The following CCDC30 variants were observed in gnomAD, a reference collection of about 807,000 sequenced individuals.
CCDC30 encodes the protein coiled-coil domain containing 30, also known as coiled-coil domain-containing protein 30.
In CCDC30, 70 loss-of-function variants were observed where a neutral mutation model predicts 100.2. The observed-to-expected ratio is 0.70, with a 90% CI of 0.58 to 0.85. CCDC30 has a LOEUF of 0.85. CCDC30 is among the 40% of genes least tolerant of loss of function. The pLI, the probability that CCDC30 is intolerant of heterozygous loss-of-function variation, is 0.00. For missense variants in CCDC30, 652 were observed against 771.2 expected (o/e 0.85, Z 1.83); for synonymous variants, 233 against 269.5 (o/e 0.86, Z 1.33).
chr1:42,513,600 T>A (rs117694190), intron 6 of CCDC30, among the ~76,000 whole-genome samples: 2 of 152,138 alleles, frequency 1.3e-5, no homozygotes, highest in Non-Finnish European at 2.9e-5. Context: ...TGTCTGCAGC[T>A]CAATTTTACA....
intron 1 of CCDC30, among the ~76,000 whole-genome samples, chr1:42,474,252 G>A (rs998229735): frequency 8.5e-5 from 13 of 152,122 alleles, no homozygotes; most frequent in African/African-American, 2.7e-4. Context: ...GTTGCCTTTA[G>A]CATTATCTTT....
intron 7 of CCDC30, among the ~76,000 whole-genome samples, chr1:42,568,525 T>G (rs1048669717): frequency 1.1e-4 from 16 of 152,266 alleles, no homozygotes; most frequent in African/African-American, 3.6e-4. Flanking sequence ...TCAGAACTTG[T>G]CAAGTTTGTT....
upstream of CCDC30, chr1:42,460,520 G>C (rs1343144321): frequency 3.1e-6 from 1 of 319,282 alleles, no homozygotes; most frequent in Non-Finnish European, 4.5e-6. Context: ...TTTACTTTTT[G>C]CTTCTTATTG....
At chr1:42,506,301 T>C (rs1644394111) in intron 6 of CCDC30, among the ~76,000 whole-genome samples, 1 of 152,232 alleles carries the variant, frequency 6.6e-6, no homozygotes, top group Non-Finnish European at 1.5e-5. Flanking sequence ...CTGTGTGTTT[T>C]TTCTCTATTC....
At chr1:42,466,133 GAAGA>G (rs1178028452) in intron 1 of CCDC30, among the ~76,000 whole-genome samples, 1 of 152,188 alleles carries the variant, frequency 6.6e-6, no homozygotes, top group South Asian at 2.1e-4. Context: ...GTGGAAAATA[GAAGA>G]AAGAAAGGTT....
At chr1:42,628,074 C>T (rs951267213) in intron 11 of CCDC30, among the ~76,000 whole-genome samples, 4 of 152,188 alleles carry the variant, frequency 2.6e-5, no homozygotes, top group African/African-American at 9.7e-5. Flanking sequence ...CTATACCCTG[C>T]AAAGCCACAG....
chr1:42,497,331 G>A, intron 5 of CCDC30, 118 bp downstream of exon 5: 1 of 461,824 alleles, frequency 2.2e-6, no homozygotes. Flanking sequence ...AATACTGGTG[G>A]CTGTAATATC....
At chr1:42,510,468 C>A (rs941265410) in intron 6 of CCDC30, among the ~76,000 whole-genome samples, 4 of 151,950 alleles carry the variant, frequency 2.6e-5, no homozygotes, top group Non-Finnish European at 5.9e-5. Context: ...ACCATCCTTG[C>A]CAATATGGTG....
rs534928253 is a variant in CCDC30 at position 42,509,627 on chromosome 1, C to T, written c.456+10711C>T. Among the ~76,000 whole-genome samples the T allele has an allele frequency of 2.6e-5, 4 of 152,264 alleles. No homozygotes were observed. In the East Asian group the frequency reaches 5.8e-4, roughly 22 times the overall value. ...GCCTGTAGCAAAGTTTGTTACTGAA[C>T]ACTTTGTTGAGCTGGCTTGATCAAC... On this transcript the variant is annotated intron_variant, in intron 6 of 16. Transcript: ENST00000668663.
intron 10 of CCDC30, chr1:42,595,274 T>C (rs577163439): frequency 6.6e-6 from 1 of 152,188 alleles, no homozygotes; most frequent in Non-Finnish European, 1.5e-5. Context: ...AGGCCAGGCG[T>C]GGTGGCTCAC....
At position 42,642,252 on chromosome 1, in the gene CCDC30, T is replaced by A. The variant is rs548356622; in HGVS notation, c.1420-221T>A. On this transcript the variant is annotated intron_variant, in intron 12 of 16. Transcript: ENST00000668663. ...ACAAACAAACAAACAAAAAAATATATATATATATATATGACATGACATAAA... is the reference window on the plus strand; with the variant it reads ...ACAAACAAACAAACAAAAAAATATAAATATATATATATGACATGACATAAA... Among the ~76,000 whole-genome samples the A allele has an allele frequency of 4.7e-4, 71 of 151,132 alleles. 1 individual carries two copies. In the South Asian group the frequency reaches 9.2e-3, roughly 20 times the overall value.
intron 13 of CCDC30, among the ~76,000 whole-genome samples, chr1:42,642,843 G>A (rs1445154455): frequency 1.3e-5 from 2 of 152,178 alleles, no homozygotes; most frequent in Non-Finnish European, 2.9e-5. Flanking sequence ...TAATGTCATT[G>A]CCTCACTGAG....
intron 2 of CCDC30, among the ~76,000 whole-genome samples, chr1:42,481,155 G>C (rs1053515682): frequency 6.6e-6 from 1 of 151,022 alleles, no homozygotes; most frequent in African/African-American, 2.4e-5. Flanking sequence ...ATCAAATTAT[G>C]CATAAAAGTA....
At chr1:42,571,737 C>T (rs948247412) in intron 7 of CCDC30, among the ~76,000 whole-genome samples, 2 of 152,070 alleles carry the variant, frequency 1.3e-5, no homozygotes, top group South Asian at 2.1e-4. Context: ...TTTAACAAAG[C>T]GTTTGACCAT....
At chr1:42,653,894 G>A in exon 17 of CCDC30, 1 of 1,614,034 alleles carries the variant, frequency 6.2e-7, no homozygotes, top group Non-Finnish European at 8.5e-7. Context: ...AGAAGCAATG[G>A]CAAGTTCAAA....
exon 3 of CCDC30, chr1:42,482,667 A>T (rs933977201): frequency 8.1e-7 from 1 of 1,233,350 alleles, no homozygotes; most frequent in South Asian, 4.1e-5. Context: ...TTTCAGTATC[A>T]TAATGAAGAC....
chr1:42,540,676 T>TACAC (rs60125557), intron 6 of CCDC30, among the ~76,000 whole-genome samples: 29,942 of 150,300 alleles, frequency 0.2, 3,163 homozygotes, highest in South Asian at 0.41. Context: ...CACATACACA[T>TACAC]ACACACACAC....
chr1:42,641,308 G>C (rs902035425), intron 12 of CCDC30, among the ~76,000 whole-genome samples: 1 of 151,160 alleles, frequency 6.6e-6, no homozygotes, highest in Non-Finnish European at 1.5e-5. Context: ...AAACTCCTGG[G>C]CTCAAGCAAT....
chr1:42,592,700 C>G (rs1322569167), intron 10 of CCDC30: 2 of 152,000 alleles, frequency 1.3e-5, no homozygotes, highest in East Asian at 3.9e-4. Context: ...GACAACAAAG[C>G]CAGACCCTGT....
Sources: allele counts gnomAD v4.1 joint callset (sites outside exome capture counted in the v4.1 genomes callset), GRCh38; gene constraint gnomAD v4.1.1; transcripts MANE v1.5; gene names NCBI Gene and HGNC (gene_info 2026-07-23, HGNC 2026-07-21).